ELAPOR2: variants seen among roughly 807,000 people sequenced by gnomAD.
ELAPOR2 encodes the protein endosome/lysosome-associated apoptosis and autophagy regulator family member 2.
In ELAPOR2, 89 loss-of-function variants were observed where a neutral mutation model predicts 120.7. The ratio of observed to expected loss-of-function variants is 0.74; its 90% CI spans 0.62 to 0.88. The LOEUF (loss-of-function observed/expected upper bound fraction) is 0.88, where lower values mean the gene tolerates loss of function less well. ELAPOR2 is among the 40% of genes least tolerant of loss of function. The probability of loss-of-function intolerance (pLI) is 0.00; values close to 1 mark genes in which losing one functional copy is unlikely to be tolerated. For synonymous variants in ELAPOR2, 444 were observed against 444.9 expected, an observed-to-expected ratio of 1.00 and a Z score of 0.03; for missense variants, 1,134 against 1,251.6, an observed-to-expected ratio of 0.91 and a Z score of 1.42.
At chr7:87,043,299 A>T (rs1349390635) in intron 1 of ELAPOR2, among the ~76,000 whole-genome samples, 1 of 151,406 alleles carries the variant, frequency 6.6e-6, no homozygotes, top group African/African-American at 2.5e-5. Context: ...TCAGGCAGAG[A>T]CACAACAAAA....
intron 10 of ELAPOR2, among the ~76,000 whole-genome samples, chr7:86,923,331 C>T (rs1303213322): frequency 6.6e-6 from 1 of 151,596 alleles, no homozygotes; most frequent in African/African-American, 2.4e-5. Context: ...TGATAATATC[C>T]CATTACCCTT....
chr7:86,984,333 G>A (rs894716841), intron 1 of ELAPOR2, among the ~76,000 whole-genome samples: 5 of 152,170 alleles, frequency 3.3e-5, no homozygotes, highest in African/African-American at 9.7e-5. Context: ...GCACCAAGCT[G>A]ACCTAATAGA....
intron 1 of ELAPOR2, among the ~76,000 whole-genome samples, chr7:87,023,232 A>G (rs1307817766): frequency 1.3e-5 from 2 of 152,170 alleles, no homozygotes; most frequent in South Asian, 2.1e-4. Flanking sequence ...ATCTTGAATT[A>G]ACTTTTGTAT....
chr7:87,016,996 C>T (rs1396255660), intron 1 of ELAPOR2, among the ~76,000 whole-genome samples: 1 of 152,052 alleles, frequency 6.6e-6, no homozygotes, highest in East Asian at 1.9e-4. Context: ...TACTCATTCT[C>T]TTACATTCAT....
At chr7:86,908,063 A>C (rs1789115537) in intron 17 of ELAPOR2, among the ~76,000 whole-genome samples, 1 of 151,828 alleles carries the variant, frequency 6.6e-6, no homozygotes, top group South Asian at 2.1e-4. Context: ...GACCATGTCT[A>C]CTTAGGCCAA....
At position 86,880,499 on chromosome 7, in the gene ELAPOR2, A is replaced by C; in HGVS notation, c.3062T>G (p.Leu1021Arg). ...EKEDHFESVQ[L>R]KTSRSPNI ...TATATTTGGGGATCTTGAGGTTTTC[A>C]GTTGAACAGATTCAAAATGGTCTTC... Residue 1021 changes from leucine (L) to arginine (R), a missense_variant, in exon 22 of 22, where the codon CTG (leucine) becomes CGG (arginine). Leu to Arg is a moderately radical substitution (Grantham distance 102). Around this residue, in one of 3 missense-constraint regions of ELAPOR2, gnomAD observed 831 missense variants for 867.6 expected, o/e 0.96. Transcript: ENST00000450689. 2 of 1,609,596 alleles carry C rather than the reference A, an allele frequency of 1.2e-6. No individual in the cohort carries two copies. Among genetic ancestry groups the C allele is most frequent in the Non-Finnish European group, 1.7e-6 (2 of 1,176,192 alleles).
chr7:86,961,874 G>C (rs969167615), intron 2 of ELAPOR2, among the ~76,000 whole-genome samples: 5 of 152,198 alleles, frequency 3.3e-5, no homozygotes, highest in Admixed American at 3.3e-4. Context: ...CCCTGTGGCT[G>C]AGCCTGGAGC....
At chr7:87,049,557 C>T (rs1795045935) in intron 1 of ELAPOR2, among the ~76,000 whole-genome samples, 1 of 152,170 alleles carries the variant, frequency 6.6e-6, no homozygotes, top group Non-Finnish European at 1.5e-5. Context: ...GCTGGGATTA[C>T]AGGCGCCTGG....
At chr7:86,941,047 G>A (rs77779342) in intron 5 of ELAPOR2, among the ~76,000 whole-genome samples, 7,023 of 151,976 alleles carry the variant, frequency 0.046, 536 homozygotes, top group African/African-American at 0.16. Flanking sequence ...TTCTGAAAGG[G>A]TATGTTGTAT....
At chr7:87,040,109 C>T (rs1027308367) in intron 1 of ELAPOR2, among the ~76,000 whole-genome samples, 8 of 152,208 alleles carry the variant, frequency 5.3e-5, no homozygotes, top group Admixed American at 4.6e-4. Context: ...GCACCTGGCT[C>T]GGAGGGTCCT....
intron 2 of ELAPOR2, among the ~76,000 whole-genome samples, chr7:86,957,616 C>T (rs750048857): frequency 6.6e-6 from 1 of 152,170 alleles, no homozygotes; most frequent in Non-Finnish European, 1.5e-5. Flanking sequence ...GGCTAATCAA[C>T]TTATCATTGC....
At chr7:86,944,231 G>C (rs1319667008) in intron 4 of ELAPOR2, among the ~76,000 whole-genome samples, 4 of 152,056 alleles carry the variant, frequency 2.6e-5, no homozygotes, top group Non-Finnish European at 4.4e-5. Context: ...ATAAATATTT[G>C]CTAGATTAGA....
intron 10 of ELAPOR2, among the ~76,000 whole-genome samples, chr7:86,924,193 C>A (rs1324920451): frequency 1.3e-5 from 2 of 152,034 alleles, no homozygotes; most frequent in East Asian, 3.9e-4. Flanking sequence ...ACTAATACTG[C>A]AGAGATTTAT....
rs1282879701 is a variant in ELAPOR2, at chr7:86,880,502, T to G, written c.3059A>C (p.Gln1020Pro). 6.2e-7 allele frequency: 1 copy of G among 1,609,504 alleles called. No homozygotes were observed. The highest frequency in any genetic ancestry group is 2.2e-5 in the East Asian group (1 of 44,826). ...KEKEDHFESV[Q>P]LKTSRSPNI The stretch of plus-strand genomic sequence containing the variant: ...ATTTGGGGATCTTGAGGTTTTCAGT[T>G]GAACAGATTCAAAATGGTCTTCTTT... Residue 1020 changes from glutamine to proline, a missense_variant, in exon 22 of 22, where the codon CAA (glutamine) becomes CCA (proline). Gln to Pro is a moderately conservative substitution (Grantham distance 76, BLOSUM62 -1). Coordinates refer to ENST00000450689, the MANE Select transcript of ELAPOR2 (RefSeq NM_001142749.3).
intron 1 of ELAPOR2, among the ~76,000 whole-genome samples, chr7:86,985,315 A>T (rs1792683986): frequency 6.6e-6 from 1 of 152,210 alleles, no homozygotes; most frequent in African/African-American, 2.4e-5. Flanking sequence ...CAACAGAAAA[A>T]CAGGGAATCC....
chr7:87,032,396 A>G (rs1794448621), intron 1 of ELAPOR2, among the ~76,000 whole-genome samples: 1 of 152,212 alleles, frequency 6.6e-6, no homozygotes, highest in African/African-American at 2.4e-5. Flanking sequence ...AAAGAGGTGT[A>G]AGGAAGAGAA....
At chr7:87,015,196 CTTTTAA>C (rs1369349865) in intron 1 of ELAPOR2, among the ~76,000 whole-genome samples, 7 of 152,024 alleles carry the variant, frequency 4.6e-5, no homozygotes, top group African/African-American at 1.2e-4. Context: ...CAAAAAGTGC[CTTTTAA>C]TTTTAATATT....
intron 1 of ELAPOR2, among the ~76,000 whole-genome samples, chr7:87,037,762 T>G (rs1174499918): frequency 6.6e-6 from 1 of 152,256 alleles, no homozygotes; most frequent in Non-Finnish European, 1.5e-5. Context: ...AGTTGGCCCT[T>G]GAAATTATAA....
intron 1 of ELAPOR2, among the ~76,000 whole-genome samples, chr7:87,048,401 T>C (rs892637174): frequency 3.3e-5 from 5 of 152,180 alleles, no homozygotes; most frequent in Non-Finnish European, 7.3e-5. Context: ...ACATCACACG[T>C]TCTCATTTGT....
Sources: gnomAD v4.1 joint callset for allele counts (sites outside exome capture counted in the v4.1 genomes callset) on GRCh38, gnomAD v4.1.1 for gene constraint, gnomAD v4.1.1 regional missense constraint, MANE v1.5 for transcripts, NCBI Gene and HGNC (gene_info 2026-07-23, HGNC 2026-07-21) for gene names.